The following OSBPL5 variants were observed in gnomAD, a reference collection of about 807,000 sequenced individuals.
The protein encoded by OSBPL5 is oxysterol-binding protein-related protein 5.
Under a neutral mutation model 111.2 loss-of-function variants are expected in OSBPL5, and 71 were observed. The observed-to-expected ratio is 0.64, with a 90% confidence interval of 0.53 to 0.78. OSBPL5 has a LOEUF of 0.78. Among genes scored for constraint, OSBPL5 ranks in the 30% least tolerant of loss-of-function variants. OSBPL5 has a pLI of 0.00. For missense variants in OSBPL5, 1,210 were observed against 1,189.3 expected, an observed-to-expected ratio of 1.02 and a Z score of -0.26; for synonymous variants, 549 against 513.9, an observed-to-expected ratio of 1.07 and a Z score of -0.93.
At position 3,107,779 on chromosome 11, in the gene OSBPL5, G is replaced by A; in HGVS notation, c.858C>T (p.Asp286=). 2 of 1,612,150 alleles carry A rather than the reference G, an allele frequency of 1.2e-6. No homozygotes were observed. Among genetic ancestry groups the A allele is most frequent in the Non-Finnish European group, 8.5e-7 (1 of 1,179,938 alleles). The change falls in exon 8 of 22, where the codon GAC becomes GAT. Residue 286 remains aspartate (D), a synonymous_variant. Transcript: ENST00000263650. This position sits in a 1 kb window ranked among gnomAD's most constrained non-coding sequence, Gnocchi z 6.1. ...PASATVHPDQ[D]LFPLNGSSLE... is the part of the protein sequence containing the mutation. ...GCCCTCGCCCCACTCACGGGAACAGGTCTTGGTCTGGGTGGACGGTGGCTG... is the reference window on the plus strand; with the variant it reads ...GCCCTCGCCCCACTCACGGGAACAGATCTTGGTCTGGGTGGACGGTGGCTG...
chr11:3,109,573 G>T lies in OSBPL5; in HGVS notation c.692-1628C>A, dbSNP rs1257480336. ...GGGGCATCTCAGGGTCCAGTGTAGG[G>T]AGGGGCCTGCCTAGACAGTGGCTCC... On this transcript the variant is annotated intron_variant, in intron 7 of 21. Transcript: ENST00000263650. This position sits in a 1 kb window ranked among gnomAD's most constrained non-coding sequence, Gnocchi z 7.4. Among the ~76,000 whole-genome samples, 1 of 152,192 alleles carries T rather than the reference G, an allele frequency of 6.6e-6. No individual in the cohort carries two copies. Among genetic ancestry groups the T allele is most frequent in the Non-Finnish European group, 1.5e-5 (1 of 68,034 alleles).
intron 7 of OSBPL5, among the ~76,000 whole-genome samples, chr11:3,111,997 GT>G (rs1857970243): frequency 4.5e-5 from 4 of 88,502 alleles, no homozygotes; most frequent in Non-Finnish European, 8.6e-5. Context: ...GTGTGTGCAT[GT>G]GTGTGTGTGT....
intron 1 of OSBPL5, among the ~76,000 whole-genome samples, chr11:3,137,196 T>C (rs775771427): frequency 3.9e-5 from 6 of 152,160 alleles, no homozygotes; most frequent in Non-Finnish European, 8.8e-5. Flanking sequence ...CAGCAACAGA[T>C]GCACTCCCTG....
rs1846960130 is a variant in OSBPL5, at chr11:3,161,331, A to C, written c.-22+3885T>G. The C allele has an allele frequency of 6.6e-6, 1 of 152,198 alleles. No individual in the cohort carries two copies. Among genetic ancestry groups the C allele is most frequent in the Non-Finnish European group, 1.5e-5 (1 of 68,038 alleles). 9.4% of individuals were successfully genotyped at this position (152,198 alleles called of 1,614,324 possible). A position where few individuals can be genotyped will look rare whatever the true frequency, so the allele number is the denominator to read the frequency against. ...TAAGGGCTCCATTCCTAAATCAGAG[A>C]TGATGGGACTCTGGGAAGAGTCACG... On this transcript the variant is annotated intron_variant, in intron 1 of 21. Coordinates refer to ENST00000263650, the MANE Select transcript of OSBPL5 (RefSeq NM_020896.4). This position sits in a 1 kb window ranked among gnomAD's most constrained non-coding sequence, Gnocchi z 8.0.
intron 14 of OSBPL5, among the ~76,000 whole-genome samples, chr11:3,095,182 T>C (rs1590635019): frequency 6.6e-6 from 1 of 152,026 alleles, no homozygotes; most frequent in East Asian, 1.9e-4. Context: ...GCGGCATCTC[T>C]GTGCAGCTCT....
In OSBPL5 at chr11:3,107,263, C is replaced by A. The variant is rs1469088793; in HGVS notation, c.1059G>T (p.Glu353Asp). 6.2e-7 allele frequency: 1 copy of A among 1,611,006 alleles called. No individual in the cohort carries two copies. Among genetic ancestry groups the A allele is most frequent in the African/African-American group, 1.3e-5 (1 of 74,756 alleles). ...GGGCTCCTGGCTGGGGGGCTCTCAC[C>A]TCCCCCAGCTCCTCCTGGACCTGCT... The part of the protein sequence containing the change: ...YVEQVQEELG[E>D]LGEASQVETV... The change falls in exon 9 of 22, where the codon GAG (glutamate) becomes GAT (aspartate). Residue 353 changes from glutamate to aspartate, a missense_variant and splice_region_variant. Coordinates refer to ENST00000263650, the MANE Select transcript of OSBPL5 (RefSeq NM_020896.4). The surrounding 1 kb of genome is among the most constrained non-coding windows in gnomAD (Gnocchi z 6.1).
chr11:3,118,865 G>A (rs1177926306), intron 7 of OSBPL5, among the ~76,000 whole-genome samples: 5 of 151,908 alleles, frequency 3.3e-5, no homozygotes, highest in Non-Finnish European at 7.4e-5. Flanking sequence ...CACTGCACCC[G>A]GCCTGGCAAA....
At position 3,121,078 on chromosome 11, in the gene OSBPL5, T is replaced by TTTTTGG. The variant is rs1858396431; in HGVS notation, c.403-455_403-454insCCAAAA. Among the ~76,000 whole-genome samples the TTTTTGG allele has an allele frequency of 6.6e-6, 1 of 150,736 alleles. No individual in the cohort carries two copies. The highest frequency in any genetic ancestry group is 1.5e-5 in the Non-Finnish European group (1 of 67,694). ...TGTAGATTCTTTTTTTTTTTTTTTT[T>TTTTTGG]GAGACAGAGTCTCTGTTGCCCAGGC... is the stretch of plus-strand genomic sequence containing the variant. On this transcript the variant is annotated intron_variant, in intron 5 of 21. Coordinates refer to ENST00000263650, the MANE Select transcript of OSBPL5 (RefSeq NM_020896.4). This position sits in a 1 kb window ranked among gnomAD's most constrained non-coding sequence, Gnocchi z 4.3.
intron 17 of OSBPL5, 92 bp downstream of exon 17, chr11:3,093,435 G>T (rs975387735): frequency 1.5e-5 from 23 of 1,534,768 alleles, no homozygotes; most frequent in Non-Finnish European, 2.0e-5. Context: ...ACATCCTGGG[G>T]CCATGCTCAC....
rs1305028488 is a variant in OSBPL5, at chr11:3,105,991, C to A, written c.1059+1272G>T. The stretch of plus-strand genomic sequence containing the variant: ...TTCCCTACGGGTGGCCCAGTGTCCA[C>A]CCCCGCCCCTCGGCTGTCCCGAGGC... On this transcript the variant is annotated intron_variant, in intron 9 of 21. Transcript: ENST00000263650. This position sits in a 1 kb window ranked among gnomAD's most constrained non-coding sequence, Gnocchi z 5.2. 2.6e-5 allele frequency among the ~76,000 whole-genome samples: 4 copies of A among 152,290 alleles called. No individual in the cohort carries two copies. Among genetic ancestry groups the A allele is most frequent in the African/African-American group, 9.6e-5 (4 of 41,554 alleles).
At chr11:3,135,093 C>A (rs1845912834) in intron 1 of OSBPL5, among the ~76,000 whole-genome samples, 2 of 152,228 alleles carry the variant, frequency 1.3e-5, no homozygotes, top group Non-Finnish European at 2.9e-5. Context: ...AGAACGTTTC[C>A]CCAGCTGTCA....
Position 3,093,016 on chromosome 11 carries a change from G to C in OSBPL5, c.1983C>G (p.Gly661=), listed in dbSNP as rs763914515. Residue 661 remains glycine, a synonymous_variant, in exon 18 of 22, where the codon GGC becomes GGG. Transcript: ENST00000263650. The part of the protein sequence containing the change: ...WQHVTRAISK[G]DQHRATQEKF... ...TCTCCTGTGTGGCCCTGTGCTGGTC[G>C]CCCTTGCTGATGGCCCTGGTGACGT... The C allele has an allele frequency of 6.2e-7, 1 of 1,600,908 alleles. No homozygotes were observed. Among genetic ancestry groups the C allele is most frequent in the South Asian group, 1.1e-5 (1 of 89,184 alleles).
rs1858450025 is a variant in OSBPL5 at position 3,122,349 on chromosome 11, T to C, written c.299A>G (p.Lys100Arg). Reference sequence around the variant, plus strand: ...CACCCTCCCCGGGCCCGGGCTCACCTTGAGAGTCTCCTTCTTGGTGACCCT... The same window carrying C: ...CACCCTCCCCGGGCCCGGGCTCACCCTGAGAGTCTCCTTCTTGGTGACCCT... ...TARVTKKETL[K>R]AQKENYRQEK... The change falls in exon 4 of 22, where the codon AAG becomes AGG. Residue 100 changes from lysine (K) to arginine (R), a missense_variant and splice_region_variant. Lys to Arg is a conservative substitution (Grantham distance 26). Coordinates refer to ENST00000263650, the MANE Select transcript of OSBPL5 (RefSeq NM_020896.4). 6.2e-7 allele frequency: 1 copy of C among 1,613,142 alleles called. No homozygotes were observed. Among genetic ancestry groups the C allele is most frequent in the Admixed American group, 1.7e-5 (1 of 59,956 alleles).
Position 3,130,518 on chromosome 11 carries a change from C to T in OSBPL5, c.-21-1349G>A, listed in dbSNP as rs1213894553. ...TCTGTCCACCACCCCAGAGCCCCCT[C>T]TGTGCCCCCAGTCCTGAAGTCAGAG... On this transcript the variant is annotated intron_variant, in intron 1 of 21. Transcript: ENST00000263650. This position sits in a 1 kb window ranked among gnomAD's most constrained non-coding sequence, Gnocchi z 4.5. Among the ~76,000 whole-genome samples the T allele has an allele frequency of 1.3e-5, 2 of 152,216 alleles. No homozygotes were observed. Among genetic ancestry groups the T allele is most frequent in the Non-Finnish European group, 2.9e-5 (2 of 68,030 alleles).
rs1459011789 is a variant in OSBPL5 at position 3,140,951 on chromosome 11, G to C, written c.-21-11782C>G. Among the ~76,000 whole-genome samples the C allele has an allele frequency of 1.3e-5, 2 of 150,348 alleles. No homozygotes were observed. The highest frequency in any genetic ancestry group is 4.9e-5 in the African/African-American group (2 of 41,112). ...ACCACCTCAGAGCCACTCCTTCCCCGATGCCATCTGTCAAGGGTCAGGGGT... is the reference window on the plus strand; with the variant it reads ...ACCACCTCAGAGCCACTCCTTCCCCCATGCCATCTGTCAAGGGTCAGGGGT... On this transcript the variant is annotated intron_variant, in intron 1 of 21. Coordinates refer to ENST00000263650, the MANE Select transcript of OSBPL5 (RefSeq NM_020896.4). The surrounding 1 kb of genome is among the most constrained non-coding windows in gnomAD (Gnocchi z 4.5).
In OSBPL5 at chr11:3,107,536, C is replaced by T; in HGVS notation, c.867-81G>A. 2 of 1,497,976 alleles carry T rather than the reference C, an allele frequency of 1.3e-6. No individual in the cohort carries two copies. Among genetic ancestry groups the T allele is most frequent in the Non-Finnish European group, 1.8e-6 (2 of 1,088,690 alleles). 92.8% of individuals were successfully genotyped at this position (1,497,976 alleles called of 1,614,324 possible). On this transcript the variant is annotated intron_variant, in intron 8 of 21. Transcript: ENST00000263650. This position sits in a 1 kb window ranked among gnomAD's most constrained non-coding sequence, Gnocchi z 6.1. ...CCTCTGGGCTGCCCACCCCTCGCTG[C>T]TCCGCACTTCACATACGTTCCTGCC...
At position 3,088,012 on chromosome 11, in the gene OSBPL5, C is replaced by T; in HGVS notation, c.*193G>A. On this transcript the variant is annotated 3_prime_UTR_variant, in exon 22 of 22. Transcript: ENST00000263650. ...CTGGGCGGAAGGCCCTGCAGAGAGG[C>T]CAGTGCCCCTGAGAGGGGCCCAGCA... The T allele has an allele frequency of 2.1e-6, 1 of 486,054 alleles. No individual in the cohort carries two copies. Among genetic ancestry groups the T allele is most frequent in the East Asian group, 3.4e-5 (1 of 29,212 alleles). The allele number at this position is 486,054 out of a possible 1,614,324, so 30.1% of individuals were successfully genotyped here.
intron 1 of OSBPL5, among the ~76,000 whole-genome samples, chr11:3,135,081 C>T (rs1019567564): frequency 6.6e-6 from 1 of 152,240 alleles, no homozygotes; most frequent in African/African-American, 2.4e-5. Flanking sequence ...CCCCTTTGTC[C>T]AAGAACGTTT....
chr11:3,157,994 C>A (rs926438297), intron 1 of OSBPL5, among the ~76,000 whole-genome samples: 1 of 152,194 alleles, frequency 6.6e-6, no homozygotes, highest in Non-Finnish European at 1.5e-5. Context: ...TGTGAGCCTT[C>A]GTGGGAGCCT....
Sources: gnomAD v4.1 joint callset for allele counts (sites outside exome capture counted in the v4.1 genomes callset) on GRCh38, gnomAD v4.1.1 for gene constraint, Gnocchi (gnomAD v3.1) non-coding constraint, MANE v1.5 for transcripts, NCBI Gene and HGNC (gene_info 2026-07-23, HGNC 2026-07-21) for gene names.